The following AUTS2 variants were observed in gnomAD, a reference collection of about 807,000 sequenced individuals.
AUTS2 encodes the protein activator of transcription and developmental regulator AUTS2, also known as autism susceptibility gene 2 protein.
A neutral mutation model predicts 112.4 loss-of-function variants in AUTS2; 17 were observed. The ratio of observed to expected loss-of-function variants is 0.15; its 90% CI spans 0.10 to 0.23. The LOEUF (loss-of-function observed/expected upper bound fraction) is 0.23. AUTS2 is among the 10% of genes least tolerant of loss of function. The pLI is 1.00. For synonymous variants in AUTS2, 751 were observed against 702.7 expected, an observed-to-expected ratio of 1.07 and a Z score of -1.09; for missense variants, 1,510 against 1,701.6, an observed-to-expected ratio of 0.89 and a Z score of 1.98.
At chr7:69,937,884 T>C (rs1486279081) in intron 2 of AUTS2, among the ~76,000 whole-genome samples, 1 of 152,130 alleles carries the variant, frequency 6.6e-6, no homozygotes, top group Non-Finnish European at 1.5e-5. Context: ...TCATCATTTG[T>C]TCCTATCTTC....
rs188199629 is a variant in AUTS2 at position 70,009,201 on chromosome 7, A to G, written c.523-108931A>G. ...GCAAGAGGAAGCAGAACTCACTTTAATAACAACCCACTCTCGCAATAACCA... is the reference window on the plus strand; with the variant it reads ...GCAAGAGGAAGCAGAACTCACTTTAGTAACAACCCACTCTCGCAATAACCA... On this transcript the variant is annotated intron_variant, in intron 2 of 18. Coordinates refer to ENST00000342771, the MANE Select transcript of AUTS2 (RefSeq NM_015570.4). Among the ~76,000 whole-genome samples, 407 of 152,258 alleles carry G rather than the reference A, an allele frequency of 2.7e-3. 1 individual carries two copies. Among genetic ancestry groups the G allele is most frequent in the Non-Finnish European group, 4.7e-3 (323 of 68,010 alleles).
At chr7:70,449,812 T>A (rs565024902) in intron 5 of AUTS2, among the ~76,000 whole-genome samples, 1 of 152,262 alleles carries the variant, frequency 6.6e-6, no homozygotes, top group Non-Finnish European at 1.5e-5. Flanking sequence ...TTTTGTAGAG[T>A]GAGAGTTCAT....
At chr7:70,576,037 G>C (rs1346116856) in intron 5 of AUTS2, among the ~76,000 whole-genome samples, 2 of 152,160 alleles carry the variant, frequency 1.3e-5, no homozygotes, top group Non-Finnish European at 1.5e-5. Context: ...GAGGACTTCT[G>C]TTAGTTGGGT....
intron 5 of AUTS2, among the ~76,000 whole-genome samples, chr7:70,622,336 C>T (rs1420095158): frequency 6.6e-6 from 1 of 152,148 alleles, no homozygotes; most frequent in East Asian, 1.9e-4. Context: ...ACTTTCACCT[C>T]ATCCTGCCGT....
At chr7:70,150,876 G>T (rs1807395333) in intron 4 of AUTS2, among the ~76,000 whole-genome samples, 1 of 152,300 alleles carries the variant, frequency 6.6e-6, no homozygotes. Flanking sequence ...TGAATTTATT[G>T]TTCTATTAGA....
At chr7:70,079,871 G>A (rs1803218674) in intron 2 of AUTS2, among the ~76,000 whole-genome samples, 1 of 152,196 alleles carries the variant, frequency 6.6e-6, no homozygotes, top group African/African-American at 2.4e-5. Context: ...GGAAGTTCAA[G>A]ATCAAGGGGC....
chr7:69,857,807 A>G (rs1398117369), intron 1 of AUTS2, among the ~76,000 whole-genome samples: 1 of 148,498 alleles, frequency 6.7e-6, no homozygotes, highest in East Asian at 2.0e-4. Flanking sequence ...ACAGAGTGAG[A>G]CTCCGTCTCA....
intron 1 of AUTS2, among the ~76,000 whole-genome samples, chr7:69,789,458 C>T (rs1451010113): frequency 3.3e-5 from 5 of 152,164 alleles, no homozygotes; most frequent in Non-Finnish European, 7.4e-5. Flanking sequence ...CTGATATTCC[C>T]TGTTATTAAT....
At chr7:69,776,523 C>A (rs2129306689) in intron 1 of AUTS2, among the ~76,000 whole-genome samples, 1 of 152,226 alleles carries the variant, frequency 6.6e-6, no homozygotes, top group East Asian at 1.9e-4. Context: ...TCCGGTGAGC[C>A]CCTCGCCTCA....
intron 1 of AUTS2, among the ~76,000 whole-genome samples, chr7:69,763,914 A>G (rs1391634085): frequency 6.6e-6 from 1 of 152,190 alleles, no homozygotes; most frequent in African/African-American, 2.4e-5. Flanking sequence ...ATAACATGAT[A>G]ACTTTGACTT....
At chr7:70,075,014 A>G (rs1277242462) in intron 2 of AUTS2, among the ~76,000 whole-genome samples, 1 of 152,170 alleles carries the variant, frequency 6.6e-6, no homozygotes, top group Admixed American at 6.6e-5. Flanking sequence ...GTGTCTAGTC[A>G]TTAGATAATT....
At chr7:70,579,785 G>A (rs79912831) in intron 5 of AUTS2, among the ~76,000 whole-genome samples, 73 of 152,300 alleles carry the variant, frequency 4.8e-4, no homozygotes, top group African/African-American at 1.7e-3. Context: ...TTAGTGCCTC[G>A]TTTGTCACTT....
At chr7:69,931,746 T>G (rs1796235941) in intron 2 of AUTS2, among the ~76,000 whole-genome samples, 1 of 152,138 alleles carries the variant, frequency 6.6e-6, no homozygotes, top group Non-Finnish European at 1.5e-5. Flanking sequence ...CTATACTGTT[T>G]TAGAAGGAAA....
intron 2 of AUTS2, among the ~76,000 whole-genome samples, chr7:69,978,211 A>G (rs1177797519): frequency 1.3e-5 from 2 of 152,224 alleles, no homozygotes; most frequent in Non-Finnish European, 2.9e-5. Flanking sequence ...CTTGCTTTAG[A>G]TAAATTGTAT....
At chr7:69,680,816 C>A (rs554804696) in intron 1 of AUTS2, among the ~76,000 whole-genome samples, 2 of 152,174 alleles carry the variant, frequency 1.3e-5, no homozygotes, top group South Asian at 4.2e-4. Flanking sequence ...ATTACGGGCT[C>A]GCGCCACCAT....
chr7:69,952,415 G>C lies in AUTS2; in HGVS notation c.522+52917G>C, dbSNP rs545785385. ...TGGCAAGGTTTGGGCAATTTTGAGG[G>C]AGGGAGTTAATTCTTAAGTAGTAAG... On this transcript the variant is annotated intron_variant, in intron 2 of 18. Transcript: ENST00000342771. Among the ~76,000 whole-genome samples, 388 of 152,310 alleles carry C rather than the reference G, an allele frequency of 2.5e-3. 1 individual carries two copies. Among genetic ancestry groups the C allele is most frequent in the Middle Eastern group, 0.01 (3 of 294 alleles).
At chr7:70,260,896 C>T (rs557373693) in intron 4 of AUTS2, among the ~76,000 whole-genome samples, 7 of 152,012 alleles carry the variant, frequency 4.6e-5, no homozygotes, top group African/African-American at 9.6e-5. Context: ...ACTACAGGCA[C>T]GTGCCACCAC....
chr7:70,131,626 C>G (rs1806275263), intron 3 of AUTS2, among the ~76,000 whole-genome samples: 1 of 152,004 alleles, frequency 6.6e-6, no homozygotes, highest in South Asian at 2.1e-4. Flanking sequence ...TTGTTTTTAG[C>G]ATGATCTGTT....
intron 2 of AUTS2, among the ~76,000 whole-genome samples, chr7:70,077,422 A>G (rs141248282): frequency 2.0e-5 from 3 of 152,324 alleles, no homozygotes; most frequent in African/African-American, 7.2e-5. Context: ...ACAGTGTTCC[A>G]TATATGTATC....
Sources: allele counts gnomAD v4.1 joint callset (sites outside exome capture counted in the v4.1 genomes callset), GRCh38; gene constraint gnomAD v4.1.1; transcripts MANE v1.5; gene names NCBI Gene and HGNC (gene_info 2026-07-23, HGNC 2026-07-21).